RAI14: variants seen among roughly 807,000 people sequenced by gnomAD.
RAI14 encodes the protein ankycorbin.
A neutral mutation model predicts 115.4 loss-of-function variants in RAI14; 45 were observed. The observed-to-expected ratio is 0.39, with a 90% confidence interval of 0.31 to 0.50. The LOEUF (loss-of-function observed/expected upper bound fraction) is 0.50. Among genes scored for constraint, RAI14 ranks in the 20% least tolerant of loss-of-function variants. RAI14 has a pLI of 0.85. For synonymous variants in RAI14, 371 were observed against 415.4 expected (o/e 0.89, Z 1.30); for missense variants, 939 against 1,131.2 (o/e 0.83, Z 2.44).
At chr5:34,687,558 A>T (rs1738002966) in intron 2 of RAI14, 1 of 1,432,046 alleles carries the variant, frequency 7.0e-7, no homozygotes, top group East Asian at 2.6e-5. Context: ...CCAGGAGAAG[A>T]GGGAGAAAAA....
intron 2 of RAI14, among the ~76,000 whole-genome samples, chr5:34,725,946 G>C (rs1476422851): frequency 1.5e-5 from 2 of 134,820 alleles, no homozygotes; most frequent in African/African-American, 2.9e-5. Context: ...TGGGCAACAG[G>C]AGCGAAACTG....
chr5:34,778,512 G>A (rs1751182555), intron 3 of RAI14, among the ~76,000 whole-genome samples: 1 of 152,166 alleles, frequency 6.6e-6, no homozygotes, highest in Admixed American at 6.5e-5. Flanking sequence ...GTTAGTACCT[G>A]CTATCCCAGG....
At chr5:34,800,683 T>C (rs1754151165) in intron 4 of RAI14, among the ~76,000 whole-genome samples, 1 of 152,178 alleles carries the variant, frequency 6.6e-6, no homozygotes, top group Admixed American at 6.5e-5. Context: ...AATAAAAGAA[T>C]TTTTGCTTCT....
chr5:34,708,535 C>T (rs1741010865), intron 2 of RAI14, among the ~76,000 whole-genome samples: 1 of 152,142 alleles, frequency 6.6e-6, no homozygotes, highest in Non-Finnish European at 1.5e-5. Context: ...CTGCAGAGTT[C>T]TGACAGTATA....
intron 1 of RAI14, among the ~76,000 whole-genome samples, chr5:34,659,906 A>G (rs952909025): frequency 6.6e-6 from 1 of 152,028 alleles, no homozygotes; most frequent in Admixed American, 6.5e-5. Flanking sequence ...GGACTGGTGT[A>G]GTGTTGCATG....
Position 34,811,749 on chromosome 5 carries a change from GTC to G in RAI14, c.558-14_558-13del, listed in dbSNP as rs1448718613. ...TACATTCTCTTAGTACTAATTTTGT[GTC>G]TCTTTTTTCCTTTAGAACTGCTCTC... On this transcript the variant is annotated splice_polypyrimidine_tract_variant and intron_variant, in intron 8 of 17. Transcript: ENST00000265109. The G allele has an allele frequency of 7.5e-6, 12 of 1,591,424 alleles. No homozygotes were observed. The highest frequency in any genetic ancestry group is 1.0e-5 in the Non-Finnish European group (12 of 1,172,270).
intron 4 of RAI14, among the ~76,000 whole-genome samples, chr5:34,800,188 G>T (rs896427528): frequency 1.3e-5 from 2 of 152,146 alleles, no homozygotes; most frequent in African/African-American, 4.8e-5. Context: ...CTTAAGAATT[G>T]AATACATGGT....
At chr5:34,661,931 G>A (rs949819534) in intron 1 of RAI14, among the ~76,000 whole-genome samples, 17 of 152,104 alleles carry the variant, frequency 1.1e-4, no homozygotes, top group African/African-American at 3.4e-4. Context: ...GTCTACAGGC[G>A]CGTGCCAACA....
At chr5:34,708,201 G>GTTTT (rs146605112) in intron 2 of RAI14, among the ~76,000 whole-genome samples, 3 of 147,310 alleles carry the variant, frequency 2.0e-5, no homozygotes, top group Non-Finnish European at 3.0e-5. Context: ...GGAACTTTGG[G>GTTTT]TTTTTGTTTT....
intron 4 of RAI14, among the ~76,000 whole-genome samples, chr5:34,803,219 G>A (rs1228279564): frequency 1.3e-5 from 2 of 152,182 alleles, no homozygotes; most frequent in African/African-American, 4.8e-5. Flanking sequence ...GTGGGATAGG[G>A]CATGGGGGAT....
intron 1 of RAI14, chr5:34,657,031 T>G (rs1742324711): frequency 6.6e-6 from 1 of 152,192 alleles, no homozygotes; most frequent in Non-Finnish European, 1.5e-5. Context: ...GTTCCTCCTC[T>G]GACTCCAGGG....
At chr5:34,752,741 GTGTGTGTGTATA>G (rs535234255) in intron 2 of RAI14, among the ~76,000 whole-genome samples, 7 of 99,536 alleles carry the variant, frequency 7.0e-5, no homozygotes, top group African/African-American at 1.3e-4. Context: ...GTGTGTGTGT[GTGTGTGTGTATA>G]TATATATATA....
intron 2 of RAI14, among the ~76,000 whole-genome samples, chr5:34,719,364 A>G (rs1422677958): frequency 6.6e-6 from 1 of 152,200 alleles, no homozygotes; most frequent in Non-Finnish European, 1.5e-5. Context: ...CTTGGAAATC[A>G]TACAGCATCG....
intron 3 of RAI14, among the ~76,000 whole-genome samples, chr5:34,777,847 C>T (rs1390521589): frequency 6.8e-6 from 1 of 147,926 alleles, no homozygotes; most frequent in Non-Finnish European, 1.5e-5. Context: ...GATATTAGAG[C>T]ATGGGACAGG....
At chr5:34,811,242 T>C (rs935565092) in intron 8 of RAI14, 124 bp downstream of exon 8, 2 of 1,131,210 alleles carry the variant, frequency 1.8e-6, no homozygotes, top group African/African-American at 3.1e-5. Context: ...CTTACCTTTT[T>C]AAAGTTCTAC....
intron 11 of RAI14, 77 bp from the exon 12 acceptor site, chr5:34,814,506 T>C (rs112321189): frequency 1.9e-6 from 2 of 1,073,780 alleles, no homozygotes; most frequent in Non-Finnish European, 2.9e-6. Flanking sequence ...GTTAAACAGG[T>C]TGATTCTTCG....
intron 2 of RAI14, among the ~76,000 whole-genome samples, chr5:34,733,800 A>T (rs1316404307): frequency 6.6e-6 from 1 of 152,180 alleles, no homozygotes; most frequent in Non-Finnish European, 1.5e-5. Flanking sequence ...ATTGCTGCTC[A>T]GATGTTAGCT....
intron 2 of RAI14, among the ~76,000 whole-genome samples, chr5:34,703,579 A>G (rs1740339704): frequency 6.6e-6 from 1 of 152,250 alleles, no homozygotes; most frequent in Non-Finnish European, 1.5e-5. Context: ...CCAAAGACAG[A>G]TCCAAGTTTT....
At chr5:34,792,232 TTTC>T (rs1246617229) in intron 3 of RAI14, among the ~76,000 whole-genome samples, 54 of 98,220 alleles carry the variant, frequency 5.5e-4, no homozygotes, top group Admixed American at 4.4e-3. Context: ...TCTTTTCTTT[TTTC>T]TTTTTTTTTT....
Sources: allele counts gnomAD v4.1 joint callset (sites outside exome capture counted in the v4.1 genomes callset), GRCh38; gene constraint gnomAD v4.1.1; transcripts MANE v1.5; gene names NCBI Gene and HGNC (gene_info 2026-07-23, HGNC 2026-07-21).